The following CLMN variants were observed in gnomAD, a reference collection of about 807,000 sequenced individuals.
CLMN encodes the protein calmin.
Under a neutral mutation model 92.7 loss-of-function variants are expected in CLMN, and 57 were observed. That is an observed-to-expected ratio of 0.61 (90% CI 0.50 to 0.77). CLMN has a LOEUF of 0.77. CLMN is among the 30% of genes least tolerant of loss of function. CLMN has a pLI of 0.00. For synonymous variants in CLMN, 466 were observed against 470.6 expected, an observed-to-expected ratio of 0.99 and a Z score of 0.13; for missense variants, 1,158 against 1,237.5, an observed-to-expected ratio of 0.94 and a Z score of 0.96.
At position 95,209,482 on chromosome 14, in the gene CLMN, C is replaced by G; in HGVS notation, c.803-5G>C. 1 of 1,611,988 alleles carries G rather than the reference C, an allele frequency of 6.2e-7. No homozygotes were observed. The highest frequency in any genetic ancestry group is 8.5e-7 in the Non-Finnish European group (1 of 1,178,104). On this transcript the variant is annotated splice_region_variant and splice_polypyrimidine_tract_variant and intron_variant, in intron 7 of 12. Transcript: ENST00000298912. ...CTGGTGTGTCAACCATGATGTCTGT[C>G]GAGAGAGACACAGGAATTAGCAGGA... is the stretch of plus-strand genomic sequence containing the variant.
chr14:95,319,220 C>T (rs991984282), intron 1 of CLMN, among the ~76,000 whole-genome samples: 6 of 152,056 alleles, frequency 3.9e-5, no homozygotes, highest in Non-Finnish European at 8.8e-5. Context: ...CACCCCTGGC[C>T]CCGCTTTCCC....
chr14:95,230,006 C>G, intron 2 of CLMN, 66 bp downstream of exon 2: 1 of 1,477,364 alleles, frequency 6.8e-7, no homozygotes, highest in Non-Finnish European at 9.5e-7. Flanking sequence ...CCCCTCCACT[C>G]TCTGGAACTG....
At chr14:95,225,103 A>T (rs12147905) in intron 2 of CLMN, among the ~76,000 whole-genome samples, 59 of 152,194 alleles carry the variant, frequency 3.9e-4, no homozygotes, top group Admixed American at 7.2e-4. Context: ...ATGTTTAGGT[A>T]CAAAAGCAAT....
At chr14:95,243,619 A>ATT (rs143830474) in intron 1 of CLMN, among the ~76,000 whole-genome samples, 32,318 of 150,596 alleles carry the variant, frequency 0.21, 4,675 homozygotes, top group African/African-American at 0.41. Flanking sequence ...TGATTCCTTG[A>ATT]TTTTTTTTTC....
At chr14:95,211,441 C>T (rs893196997) in intron 6 of CLMN, among the ~76,000 whole-genome samples, 1 of 152,124 alleles carries the variant, frequency 6.6e-6, no homozygotes, top group African/African-American at 2.4e-5. Context: ...CTAATGACAG[C>T]TACTATTATC....
At chr14:95,195,337 CA>C (rs1896676848) in intron 10 of CLMN, among the ~76,000 whole-genome samples, 1 of 152,256 alleles carries the variant, frequency 6.6e-6, no homozygotes, top group Non-Finnish European at 1.5e-5. Context: ...CAGTCACACC[CA>C]GGGGCAGGGA....
chr14:95,319,854 T>A lies in CLMN; in HGVS notation c.-62A>T. On this transcript the variant is annotated 5_prime_UTR_variant, in exon 1 of 13. Transcript: ENST00000298912. ...GGGCGGCGGGCGCGGAGAGCCTGGC[T>A]GGCGGGCGCGCGAGCGGCACGCACC... The A allele has an allele frequency of 1.0e-6, 1 of 992,404 alleles. No individual in the cohort carries two copies. Among genetic ancestry groups the A allele is most frequent in the South Asian group, 4.7e-5 (1 of 21,158 alleles). The allele number at this position is 992,404 out of a possible 1,614,324, so 61.5% of individuals were successfully genotyped here.
At chr14:95,316,988 G>A (rs989484662) in intron 1 of CLMN, among the ~76,000 whole-genome samples, 15 of 152,206 alleles carry the variant, frequency 9.9e-5, no homozygotes, top group African/African-American at 3.6e-4. Context: ...TATCTGTGCT[G>A]TAAGCAGGCA....
intron 1 of CLMN, among the ~76,000 whole-genome samples, chr14:95,292,101 G>C (rs975792273): frequency 2.0e-5 from 3 of 152,210 alleles, no homozygotes; most frequent in Admixed American, 6.5e-5. Flanking sequence ...CAGATAGGGG[G>C]ACTGAGGCAT....
chr14:95,240,996 T>C (rs547465439), intron 1 of CLMN, among the ~76,000 whole-genome samples: 36 of 152,222 alleles, frequency 2.4e-4, no homozygotes, highest in Admixed American at 5.9e-4. Flanking sequence ...AAGAAAGGTG[T>C]GATCTGTTGT....
At chr14:95,303,989 A>G (rs1431235639) in intron 1 of CLMN, among the ~76,000 whole-genome samples, 1 of 152,236 alleles carries the variant, frequency 6.6e-6, no homozygotes, top group African/African-American at 2.4e-5. Flanking sequence ...CAGCAATACA[A>G]TTCTAGGTGG....
intron 1 of CLMN, among the ~76,000 whole-genome samples, chr14:95,255,197 C>G (rs1898948538): frequency 6.6e-6 from 1 of 152,096 alleles, no homozygotes; most frequent in Non-Finnish European, 1.5e-5. Flanking sequence ...GCACCTTGAT[C>G]CTGGACTTCC....
chr14:95,222,405 T>G, intron 3 of CLMN: 1 of 354,888 alleles, frequency 2.8e-6, no homozygotes, highest in Non-Finnish European at 5.6e-6. Context: ...CAACTCACCC[T>G]GAACTGAAGC....
At position 95,191,607 on chromosome 14, in the gene CLMN, T is replaced by C; in HGVS notation, c.2966A>G (p.Tyr989Cys). ...CAGTTGTGGGAAGAGCAGCAAGCAG[T>C]ACACCAGGAGCCACAGGAAGAGAAT... ...YFILFLWLLVYCLLLFPQLDV... is the reference protein window; with the variant it reads ...YFILFLWLLVCCLLLFPQLDV... Residue 989 changes from tyrosine to cysteine, a missense_variant, in exon 13 of 13, where the codon TAC (tyrosine) becomes TGC (cysteine). Transcript: ENST00000298912. This position sits in a 1 kb window ranked among gnomAD's most constrained non-coding sequence, Gnocchi z 5.3. The C allele has an allele frequency of 6.2e-7, 1 of 1,613,614 alleles. No homozygotes were observed.
intron 1 of CLMN, among the ~76,000 whole-genome samples, chr14:95,242,809 C>T (rs556835482): frequency 6.6e-5 from 10 of 151,936 alleles, no homozygotes; most frequent in Admixed American, 2.0e-4. Context: ...CCTCGTGATC[C>T]GCCCACCTTG....
chr14:95,231,420 G>C (rs965203948), intron 1 of CLMN, among the ~76,000 whole-genome samples: 2 of 151,944 alleles, frequency 1.3e-5, no homozygotes, highest in Non-Finnish European at 2.9e-5. Context: ...GGATGGTCTC[G>C]ATCTCCTGAC....
intron 3 of CLMN, 66 bp from the exon 4 acceptor site, chr14:95,221,840 G>A (rs1022956726): frequency 1.8e-5 from 26 of 1,420,630 alleles, no homozygotes; most frequent in Middle Eastern, 3.6e-4. Context: ...ACACCCAGCG[G>A]TGCTGCTGGG....
At position 95,202,834 on chromosome 14, in the gene CLMN, G is replaced by C. The variant is rs377671070; in HGVS notation, c.2511+4C>G. ...CAGGGTTCCCAAATCCCACGGTTGA[G>C]TACCTGATGGCTGTCCATGGGGTCA... On this transcript the variant is annotated splice_donor_region_variant and intron_variant, in intron 9 of 12. Transcript: ENST00000298912. The C allele has an allele frequency of 1.3e-5, 20 of 1,520,142 alleles. No individual in the cohort carries two copies. The highest frequency in any genetic ancestry group is 1.7e-5 in the Non-Finnish European group (19 of 1,136,124). 94.2% of individuals were successfully genotyped at this position (1,520,142 alleles called of 1,614,324 possible). A position where few individuals can be genotyped will look rare whatever the true frequency, so the allele number is the denominator to read the frequency against.
At chr14:95,196,397 A>C in intron 10 of CLMN, 101 bp downstream of exon 10, 1 of 1,183,638 alleles carries the variant, frequency 8.4e-7, no homozygotes, top group Non-Finnish European at 1.2e-6. Flanking sequence ...CTTGCTGTCC[A>C]ATCCCATGCC....
Sources: allele counts gnomAD v4.1 joint callset (sites outside exome capture counted in the v4.1 genomes callset), GRCh38; gene constraint gnomAD v4.1.1; non-coding constraint Gnocchi (gnomAD v3.1); transcripts MANE v1.5; gene names NCBI Gene and HGNC (gene_info 2026-07-23, HGNC 2026-07-21).